Variants in SAMMSON observed in about 807,000 individuals in gnomAD.
The protein encoded by SAMMSON is long intergenic non-protein coding RNA 1212.
At chr3:70,016,865 T>G (rs1189182696) in intron 3 of SAMMSON, among the ~76,000 whole-genome samples, 24 of 152,180 alleles carry the variant, frequency 1.6e-4, no homozygotes, top group Admixed American at 1.2e-3. Context: ...ATTTCTTGTT[T>G]TTGTCAGGTT....
chr3:70,128,243 C>T (rs2067467420), intron 4 of SAMMSON, among the ~76,000 whole-genome samples: 1 of 152,122 alleles, frequency 6.6e-6, no homozygotes, highest in Admixed American at 6.5e-5. Flanking sequence ...GCCTCAATTC[C>T]CCTTATTCCT....
At chr3:70,005,552 C>T (rs540613763) in intron 1 of SAMMSON, among the ~76,000 whole-genome samples, 5 of 152,208 alleles carry the variant, frequency 3.3e-5, no homozygotes, top group Non-Finnish European at 7.4e-5. Context: ...TCTTGAAGAC[C>T]TTGACCAGAA....
chr3:70,109,236 A>T (rs2067379163), intron 4 of SAMMSON, among the ~76,000 whole-genome samples: 1 of 152,094 alleles, frequency 6.6e-6, no homozygotes, highest in African/African-American at 2.4e-5. Flanking sequence ...ACACAAGTCT[A>T]CCTGTGTCAC....
chr3:70,352,325 C>T (rs557282101), intron 7 of SAMMSON, among the ~76,000 whole-genome samples: 2 of 152,106 alleles, frequency 1.3e-5, no homozygotes, highest in Admixed American at 1.3e-4. Flanking sequence ...GATTTCTCAT[C>T]AGAGAGACCA....
chr3:70,109,116 T>G (rs1388227372), intron 4 of SAMMSON, among the ~76,000 whole-genome samples: 1 of 152,134 alleles, frequency 6.6e-6, no homozygotes, highest in Admixed American at 6.5e-5. Flanking sequence ...GTAGCAGCTC[T>G]AAACTGAATC....
intron 6 of SAMMSON, among the ~76,000 whole-genome samples, chr3:70,262,780 C>T (rs1701879041): frequency 6.6e-6 from 1 of 152,044 alleles, no homozygotes; most frequent in South Asian, 2.1e-4. Context: ...GTTGTTATTT[C>T]TTCAAATATT....
chr3:70,328,736 G>A (rs1702599021), intron 7 of SAMMSON, among the ~76,000 whole-genome samples: 1 of 152,060 alleles, frequency 6.6e-6, no homozygotes. Flanking sequence ...ATGCAGTGAG[G>A]AGACAGGGAA....
At chr3:70,174,725 A>G (rs1320942544) in intron 4 of SAMMSON, among the ~76,000 whole-genome samples, 1 of 150,686 alleles carries the variant, frequency 6.6e-6, no homozygotes, top group Non-Finnish European at 1.5e-5. Flanking sequence ...CTATCCCTTC[A>G]ATTATCTATT....
chr3:70,139,322 C>T (rs1355240607), intron 4 of SAMMSON, among the ~76,000 whole-genome samples: 1 of 152,132 alleles, frequency 6.6e-6, no homozygotes, highest in Non-Finnish European at 1.5e-5. Context: ...TAGGTATGAG[C>T]TACCACACCC....
intron 4 of SAMMSON, among the ~76,000 whole-genome samples, chr3:70,201,417 T>G (rs997850022): frequency 1.3e-5 from 2 of 152,290 alleles, no homozygotes; most frequent in Admixed American, 1.3e-4. Context: ...ATGGTATATA[T>G]GTACCACATT....
chr3:70,244,369 T>C (rs1400629831), intron 4 of SAMMSON, among the ~76,000 whole-genome samples: 1 of 152,234 alleles, frequency 6.6e-6, no homozygotes, highest in Admixed American at 6.5e-5. Flanking sequence ...ATCTATTATA[T>C]TTAATGGCAG....
intron 6 of SAMMSON, among the ~76,000 whole-genome samples, chr3:70,277,339 G>A (rs1017545872): frequency 1.3e-5 from 2 of 152,030 alleles, no homozygotes; most frequent in Admixed American, 6.6e-5. Context: ...TTATGTAAAC[G>A]GAAATATCTG....
intron 3 of SAMMSON, among the ~76,000 whole-genome samples, chr3:70,020,411 C>A (rs1324178985): frequency 1.3e-5 from 2 of 152,270 alleles, no homozygotes; most frequent in East Asian, 3.9e-4. Flanking sequence ...TATGCAAATG[C>A]TCTGGATTTG....
At chr3:70,265,879 G>GACTC (rs1208048002) in intron 6 of SAMMSON, among the ~76,000 whole-genome samples, 2 of 152,126 alleles carry the variant, frequency 1.3e-5, no homozygotes, top group Non-Finnish European at 2.9e-5. Context: ...GATCTCATGA[G>GACTC]ACTCACTCCC....
rs932821729 is a variant in SAMMSON at position 70,149,521 on chromosome 3, G to C, written n.507+77956G>C. The stretch of plus-strand genomic sequence containing the variant: ...ACCTACTGAAGCAGAAACTTGGCAG[G>C]GGGTAGCAGGTGGGGCAGGCAGAAA... On this transcript the variant is annotated intron_variant and non_coding_transcript_variant, in intron 4 of 9. Coordinates refer to ENST00000642114, the Ensembl canonical transcript of SAMMSON. Among the ~76,000 whole-genome samples, 10 of 152,166 alleles carry C rather than the reference G, an allele frequency of 6.6e-5. No homozygotes were observed. In the East Asian group the frequency reaches 1.7e-3, roughly 27 times the overall value.
At chr3:70,171,284 A>G (rs1700944441) in intron 4 of SAMMSON, among the ~76,000 whole-genome samples, 1 of 151,874 alleles carries the variant, frequency 6.6e-6, no homozygotes, top group African/African-American at 2.4e-5. Flanking sequence ...GAGACAGGCT[A>G]ACCTATGTTT....
intron 7 of SAMMSON, among the ~76,000 whole-genome samples, chr3:70,321,054 TA>T (rs973053675): frequency 1.3e-5 from 2 of 152,032 alleles, no homozygotes; most frequent in African/African-American, 4.8e-5. Context: ...TTATGTTTAT[TA>T]TGAGTGATTT....
chr3:70,344,413 C>T (rs1455253568), intron 7 of SAMMSON, among the ~76,000 whole-genome samples: 1 of 152,088 alleles, frequency 6.6e-6, no homozygotes, highest in African/African-American at 2.4e-5. Context: ...ATCATCTTCC[C>T]ACTCCATCCC....
intron 7 of SAMMSON, among the ~76,000 whole-genome samples, chr3:70,344,476 AC>A (rs1702734886): frequency 6.6e-6 from 1 of 151,746 alleles, no homozygotes; most frequent in South Asian, 2.1e-4. Context: ...ACTCAATGAA[AC>A]CCCTGCATTC....
Sources: allele counts gnomAD v4.1 joint callset (sites outside exome capture counted in the v4.1 genomes callset), GRCh38; gene constraint gnomAD v4.1.1; transcripts MANE v1.5; gene names NCBI Gene and HGNC (gene_info 2026-07-23, HGNC 2026-07-21).